CBL: variants seen among roughly 807,000 people sequenced by gnomAD.
CBL encodes E3 ubiquitin-protein ligase CBL.
A neutral mutation model predicts 96.9 loss-of-function variants in CBL; 45 were observed. The ratio of observed to expected loss-of-function variants is 0.46; its 90% CI spans 0.37 to 0.60. The LOEUF (loss-of-function observed/expected upper bound fraction) is 0.60. CBL is among the 20% of genes least tolerant of loss of function. The pLI is 0.00. For synonymous variants in CBL, 420 were observed against 426.8 expected (o/e 0.98, Z 0.20); for missense variants, 1,024 against 1,143.5 (o/e 0.90, Z 1.51).
At chr11:119,264,492 C>A (rs112393650) in intron 2 of CBL, among the ~76,000 whole-genome samples, 2 of 139,612 alleles carry the variant, frequency 1.4e-5, no homozygotes, top group African/African-American at 5.2e-5. Flanking sequence ...CTTTTCTTTT[C>A]TTTTTTTGAG....
chr11:119,211,313 A>G (rs1171255060), intron 1 of CBL, among the ~76,000 whole-genome samples: 1 of 151,658 alleles, frequency 6.6e-6, no homozygotes, highest in Non-Finnish European at 1.5e-5. Context: ...CGGAGGTTGC[A>G]GTGAGCTGAG....
chr11:119,258,441 C>T (rs1456185881), intron 2 of CBL, among the ~76,000 whole-genome samples: 1 of 152,018 alleles, frequency 6.6e-6, no homozygotes, highest in Non-Finnish European at 1.5e-5. Flanking sequence ...AGGTGCTACA[C>T]ACTTTCAAAG....
At chr11:119,212,256 A>G (rs1192893268) in intron 1 of CBL, among the ~76,000 whole-genome samples, 1 of 152,200 alleles carries the variant, frequency 6.6e-6, no homozygotes, top group African/African-American at 2.4e-5. Context: ...TGATTTTTAA[A>G]TGGAGTATAG....
intron 6 of CBL, 33 bp downstream of exon 6, chr11:119,276,167 C>G: frequency 1.2e-6 from 2 of 1,612,224 alleles, no homozygotes; most frequent in Non-Finnish European, 1.7e-6. Context: ...CTGTTAGAGT[C>G]TGGGAACTTA....
chr11:119,307,017 A>G lies in CBL; in HGVS notation c.*7236A>G, dbSNP rs1451807481. ...CCCAGGCTGCATTTTAGGACTTAAT[A>G]TGGAAATACCAGAGTCTGAGCTCCT... is the stretch of plus-strand genomic sequence containing the variant. On this transcript the variant is annotated 3_prime_UTR_variant, in exon 16 of 16. Transcript: ENST00000264033. The G allele has an allele frequency of 1.3e-5, 3 of 227,588 alleles. No homozygotes were observed. Among genetic ancestry groups the G allele is most frequent in the African/African-American group, 2.2e-5 (1 of 44,804 alleles). 14.1% of individuals were successfully genotyped at this position (227,588 alleles called of 1,614,324 possible). A position where few individuals can be genotyped will look rare whatever the true frequency, so the allele number is the denominator to read the frequency against.
intron 3 of CBL, among the ~76,000 whole-genome samples, chr11:119,273,596 T>C (rs1265086651): frequency 2.6e-5 from 4 of 152,154 alleles, no homozygotes; most frequent in African/African-American, 9.7e-5. Flanking sequence ...TGTTTGTTTT[T>C]GTAGAGACAA....
intron 2 of CBL, among the ~76,000 whole-genome samples, chr11:119,268,162 A>C (rs1439304126): frequency 6.6e-6 from 1 of 152,238 alleles, no homozygotes; most frequent in Non-Finnish European, 1.5e-5. Flanking sequence ...ATTGGCTGTG[A>C]AAATTGATTG....
intron 2 of CBL, among the ~76,000 whole-genome samples, chr11:119,258,826 A>G (rs189180275): frequency 1.3e-5 from 2 of 152,136 alleles, no homozygotes; most frequent in Admixed American, 6.5e-5. Context: ...TGATGTGGGT[A>G]TTTTGTTAAG....
At chr11:119,244,073 G>A (rs1949606782) in intron 2 of CBL, among the ~76,000 whole-genome samples, 1 of 152,138 alleles carries the variant, frequency 6.6e-6, no homozygotes, top group African/African-American at 2.4e-5. Flanking sequence ...TAACTTCTTA[G>A]GTAACAGCAC....
intron 1 of CBL, among the ~76,000 whole-genome samples, chr11:119,207,969 T>C (rs1318728553): frequency 6.6e-6 from 1 of 152,218 alleles, no homozygotes; most frequent in East Asian, 1.9e-4. Flanking sequence ...AACACTCCAG[T>C]AGTGCATGCC....
intron 14 of CBL, among the ~76,000 whole-genome samples, chr11:119,297,770 G>T (rs927249978): frequency 6.6e-6 from 1 of 152,184 alleles, no homozygotes; most frequent in African/African-American, 2.4e-5. Flanking sequence ...ATTATTTTCA[G>T]TAATCTTTGG....
intron 1 of CBL, among the ~76,000 whole-genome samples, chr11:119,216,474 C>CT (rs1235838608): frequency 2.6e-5 from 4 of 151,894 alleles, no homozygotes; most frequent in Non-Finnish European, 5.9e-5. Context: ...CGGGTTCAAG[C>CT]GATTGTCCTG....
chr11:119,296,828 A>T (rs1304963269), intron 12 of CBL, 90 bp from the exon 13 acceptor site: 1 of 731,068 alleles, frequency 1.4e-6, no homozygotes. Flanking sequence ...GTTCAATTTG[A>T]GTTATGTCTG....
chr11:119,246,370 A>T (rs542893559), intron 2 of CBL, among the ~76,000 whole-genome samples: 1 of 152,268 alleles, frequency 6.6e-6, no homozygotes, highest in East Asian at 1.9e-4. Context: ...GTTGAAGTTT[A>T]TGGAGAAAAT....
chr11:119,227,462 A>G lies in CBL; in HGVS notation c.196-4986A>G, dbSNP rs756004804. Among the ~76,000 whole-genome samples the G allele has an allele frequency of 8.2e-4, 124 of 151,954 alleles. 2 individuals are homozygous for G. The highest frequency in any genetic ancestry group is 4.9e-4 in the Non-Finnish European group (33 of 68,024). Reference sequence around the variant, plus strand: ...TCTCTAATTTCAACTCTTAGCCTCAATGTCGCATCAGAAAAGCCTTATCTA... The same window carrying G: ...TCTCTAATTTCAACTCTTAGCCTCAGTGTCGCATCAGAAAAGCCTTATCTA... On this transcript the variant is annotated intron_variant, in intron 1 of 15. Coordinates refer to ENST00000264033, the MANE Select transcript of CBL (RefSeq NM_005188.4).
chr11:119,246,818 GATTCATGCTATCTTGTA>G (rs1374326565), intron 2 of CBL, among the ~76,000 whole-genome samples: 2 of 152,184 alleles, frequency 1.3e-5, no homozygotes, highest in Non-Finnish European at 2.9e-5. Flanking sequence ...TGTACTTTAA[GATTCATGCTATCTTGTA>G]ATTGGAATGA....
At chr11:119,264,873 G>GT (rs1334590777) in intron 2 of CBL, among the ~76,000 whole-genome samples, 2 of 152,144 alleles carry the variant, frequency 1.3e-5, no homozygotes, top group East Asian at 3.9e-4. Flanking sequence ...ACTTTTCTTT[G>GT]TTTTTCATTA....
chr11:119,283,933 G>A (rs1321292165), intron 9 of CBL, among the ~76,000 whole-genome samples: 4 of 151,844 alleles, frequency 2.6e-5, no homozygotes, highest in Admixed American at 2.0e-4. Flanking sequence ...CACCACGCCT[G>A]GCCTTAATTA....
At chr11:119,222,499 G>A (rs572742929) in intron 1 of CBL, among the ~76,000 whole-genome samples, 3 of 152,264 alleles carry the variant, frequency 2.0e-5, no homozygotes, top group East Asian at 1.9e-4. Flanking sequence ...AGCTAAGCAC[G>A]TTTCTTTTTA....
Sources: gnomAD v4.1 joint callset for allele counts (sites outside exome capture counted in the v4.1 genomes callset) on GRCh38, gnomAD v4.1.1 for gene constraint, MANE v1.5 for transcripts, NCBI Gene and HGNC (gene_info 2026-07-23, HGNC 2026-07-21) for gene names.